The following RIMS2 variants were observed in gnomAD, a reference collection of about 807,000 sequenced individuals.
The protein encoded by RIMS2 is regulating synaptic membrane exocytosis protein 2.
In RIMS2, 59 loss-of-function variants were observed where a neutral mutation model predicts 174.4. The ratio of observed to expected loss-of-function variants is 0.34; its 90% confidence interval spans 0.27 to 0.42. RIMS2 has a LOEUF of 0.42. Ranked by LOEUF, RIMS2 falls within the 10% of genes least tolerant of loss-of-function variation. The pLI is 1.00. For synonymous variants in RIMS2, 606 were observed against 572.5 expected (o/e 1.06, Z -0.84); for missense variants, 1,620 against 1,666.3 (o/e 0.97, Z 0.48).
At chr8:103,568,676 A>G (rs1455196850) in intron 1 of RIMS2, 3 of 683,680 alleles carry the variant, frequency 4.4e-6, no homozygotes, top group Admixed American at 1.9e-5. Flanking sequence ...TAGATAAACA[A>G]TATGTAGCAG....
intron 19 of RIMS2, among the ~76,000 whole-genome samples, chr8:104,174,332 T>TA (rs1488924507): frequency 6.6e-6 from 1 of 152,126 alleles, no homozygotes; most frequent in Non-Finnish European, 1.5e-5. Context: ...GACTAGTTAA[T>TA]AGGTTTCTTG....
chr8:103,536,243 G>A (rs376832570), intron 1 of RIMS2, among the ~76,000 whole-genome samples: 10 of 152,052 alleles, frequency 6.6e-5, no homozygotes, highest in African/African-American at 1.9e-4. Context: ...AAACAAACAA[G>A]GGCACTTTTG....
At chr8:103,955,317 A>C (rs774350519) in intron 14 of RIMS2, among the ~76,000 whole-genome samples, 4 of 152,208 alleles carry the variant, frequency 2.6e-5, no homozygotes, top group Non-Finnish European at 5.9e-5. Flanking sequence ...TTTCAGGCCA[A>C]TATCCCTGAT....
intron 2 of RIMS2, among the ~76,000 whole-genome samples, chr8:103,703,786 T>G (rs2097193982): frequency 6.6e-6 from 1 of 152,144 alleles, no homozygotes; most frequent in African/African-American, 2.4e-5. Context: ...TGATTTTGTT[T>G]TCAGATTGCT....
chr8:103,785,961 G>C (rs1007041124), intron 3 of RIMS2, among the ~76,000 whole-genome samples: 16 of 152,134 alleles, frequency 1.1e-4, no homozygotes, highest in East Asian at 1.9e-4. Context: ...TGTTATTGGT[G>C]TATTCAGAGA....
At chr8:103,682,100 G>A (rs899824500) in intron 1 of RIMS2, among the ~76,000 whole-genome samples, 8 of 152,158 alleles carry the variant, frequency 5.3e-5, no homozygotes, top group South Asian at 2.1e-4. Context: ...TCTGGTTTGC[G>A]TAGGAAAACT....
At chr8:103,817,594 A>G (rs1450812436) in intron 3 of RIMS2, among the ~76,000 whole-genome samples, 1 of 152,196 alleles carries the variant, frequency 6.6e-6, no homozygotes, top group East Asian at 1.9e-4. Context: ...CAGCCTGGCC[A>G]GTATGGTGAA....
intron 1 of RIMS2, among the ~76,000 whole-genome samples, chr8:103,666,564 C>A (rs577876183): frequency 6.6e-6 from 1 of 152,266 alleles, no homozygotes; most frequent in South Asian, 2.1e-4. Context: ...CTAGAGGAGA[C>A]TTCCTTATTA....
intron 4 of RIMS2, chr8:103,910,041 A>C (rs72681370): frequency 0.047 from 33,864 of 713,480 alleles, 1,050 homozygotes; most frequent in Middle Eastern, 0.067. Flanking sequence ...TTGAGACCAG[A>C]CAGGATCACA....
At chr8:103,943,004 A>T in intron 14 of RIMS2, 78 bp downstream of exon 16, 1 of 1,066,908 alleles carries the variant, frequency 9.4e-7, no homozygotes. Flanking sequence ...AAGAACTTGA[A>T]GATATCTTTG....
intron 2 of RIMS2, among the ~76,000 whole-genome samples, chr8:103,705,789 T>C (rs1267673216): frequency 6.6e-6 from 1 of 152,030 alleles, no homozygotes; most frequent in Non-Finnish European, 1.5e-5. Flanking sequence ...CATGCATGTA[T>C]GTCTTTAAGC....
intron 10 of RIMS2, 26 bp downstream of exon 13, chr8:103,921,810 C>A (rs2077719392): frequency 2.4e-6 from 2 of 822,026 alleles, no homozygotes; most frequent in Non-Finnish European, 4.2e-6. Flanking sequence ...GTTTACTCTT[C>A]TTTTTGGAAT....
At chr8:104,082,583 G>A (rs1236654449) in intron 19 of RIMS2, among the ~76,000 whole-genome samples, 2 of 152,086 alleles carry the variant, frequency 1.3e-5, no homozygotes, top group Non-Finnish European at 2.9e-5. Context: ...AACAAATGGG[G>A]ATATGTATTC....
chr8:103,718,187 A>G (rs924930323), intron 2 of RIMS2, among the ~76,000 whole-genome samples: 1 of 152,224 alleles, frequency 6.6e-6, no homozygotes, highest in Non-Finnish European at 1.5e-5. Flanking sequence ...CTGCCAAGGT[A>G]GAATCAAGGG....
intron 19 of RIMS2, among the ~76,000 whole-genome samples, chr8:104,059,882 G>A (rs1171374338): frequency 6.6e-6 from 1 of 152,060 alleles, no homozygotes; most frequent in Non-Finnish European, 1.5e-5. Context: ...TTATTGATTT[G>A]CGTATATTGA....
At chr8:103,796,286 G>T (rs1454852323) in intron 3 of RIMS2, among the ~76,000 whole-genome samples, 2 of 152,110 alleles carry the variant, frequency 1.3e-5, no homozygotes, top group African/African-American at 4.8e-5. Context: ...CTTTATAAGA[G>T]AAATGAACAT....
At chr8:103,764,857 G>GT (rs1462683794) in intron 2 of RIMS2, among the ~76,000 whole-genome samples, 1 of 152,072 alleles carries the variant, frequency 6.6e-6, no homozygotes, top group Non-Finnish European at 1.5e-5. Context: ...AGTAGAAGAT[G>GT]TAGTTCCTGC....
At chr8:104,038,609 C>T (rs2096557863) in intron 19 of RIMS2, among the ~76,000 whole-genome samples, 1 of 151,922 alleles carries the variant, frequency 6.6e-6, no homozygotes, top group Admixed American at 6.6e-5. Flanking sequence ...ATACTCTTAG[C>T]TTCTTCCAAG....
At chr8:104,071,530 G>A (rs1390446188) in intron 19 of RIMS2, among the ~76,000 whole-genome samples, 1 of 152,160 alleles carries the variant, frequency 6.6e-6, no homozygotes, top group Non-Finnish European at 1.5e-5. Flanking sequence ...CGCCTCCTGG[G>A]TTCAAGTGAT....
Sources: allele counts gnomAD v4.1 joint callset (sites outside exome capture counted in the v4.1 genomes callset), GRCh38; gene constraint gnomAD v4.1.1; transcripts MANE v1.5; gene names NCBI Gene and HGNC (gene_info 2026-07-23, HGNC 2026-07-21).